The following SESN2 variants were observed in gnomAD, a reference collection of about 807,000 sequenced individuals.
SESN2 encodes sestrin 2.
In SESN2, 42 loss-of-function variants were observed where a neutral mutation model predicts 56.0. The ratio of observed to expected loss-of-function variants is 0.75; its 90% CI spans 0.59 to 0.97. The LOEUF (loss-of-function observed/expected upper bound fraction) is 0.97. Among genes scored for constraint, SESN2 ranks in the 50% least tolerant of loss-of-function variants. SESN2 has a pLI of 0.00. For synonymous variants in SESN2, 264 were observed against 267.1 expected (o/e 0.99, Z 0.11); for missense variants, 507 against 649.4 (o/e 0.78, Z 2.38).
chr1:28,265,258 GC>G (rs1647516348), intron 1 of SESN2, among the ~76,000 whole-genome samples: 1 of 152,230 alleles, frequency 6.6e-6, no homozygotes, highest in Admixed American at 6.5e-5. Context: ...ATGCTGCCCT[GC>G]CTGCTTCCTC....
intron 1 of SESN2, among the ~76,000 whole-genome samples, chr1:28,263,908 A>G (rs913292189): frequency 6.6e-6 from 1 of 152,152 alleles, no homozygotes; most frequent in Non-Finnish European, 1.5e-5. Flanking sequence ...CTAATTTAAA[A>G]GTTAACATAT....
chr1:28,279,118 G>A lies in SESN2; in HGVS notation c.1233G>A (p.Gly411=), dbSNP rs865796928. 6.2e-7 allele frequency: 1 copy of A among 1,614,140 alleles called. No individual in the cohort carries two copies. Among genetic ancestry groups the A allele is most frequent in the Non-Finnish European group, 8.5e-7 (1 of 1,180,002 alleles). ...CCAGATATGATGACTATGATTATGGGGAGGTGAACCAGCTCCTGGAGCGGA... is the reference window on the plus strand; with the variant it reads ...CCAGATATGATGACTATGATTATGGAGAGGTGAACCAGCTCCTGGAGCGGA... ...FGIRYDDYDY[G]EVNQLLERNL... is the part of the protein sequence containing the mutation. Residue 411 remains glycine (G), a synonymous_variant, in exon 9 of 10, where the codon GGG becomes GGA. Coordinates refer to ENST00000253063, the MANE Select transcript of SESN2 (RefSeq NM_031459.5).
intron 8 of SESN2, among the ~76,000 whole-genome samples, chr1:28,277,284 C>A (rs1322243359): frequency 6.6e-6 from 1 of 151,790 alleles, no homozygotes; most frequent in African/African-American, 2.4e-5. Flanking sequence ...CTCACTGCAA[C>A]CTCCAGCTCC....
chr1:28,273,514 G>A lies in SESN2; in HGVS notation c.901+6G>A, dbSNP rs760952506. On this transcript the variant is annotated splice_donor_region_variant and intron_variant, in intron 6 of 9. Coordinates refer to ENST00000253063, the MANE Select transcript of SESN2 (RefSeq NM_031459.5). ...CCTGCTGGTGACCCCCTCAGGTACA[G>A]GGTCACAGGCATCCAGGCTCCCGTG... The A allele has an allele frequency of 1.5e-5, 24 of 1,585,036 alleles. No homozygotes were observed. The highest frequency in any genetic ancestry group is 2.0e-5 in the Non-Finnish European group (23 of 1,166,498).
rs533245413 is a variant in SESN2, at chr1:28,275,300, C to G, written c.1211+285C>G. 1.0e-3 allele frequency among the ~76,000 whole-genome samples: 116 copies of G among 110,508 alleles called. 4 individuals carry two copies. In the South Asian group the frequency reaches 0.028, roughly 27 times the overall value. 72.5% of individuals were successfully genotyped at this position (110,508 alleles called of 152,430 possible). A position where few individuals can be genotyped will look rare whatever the true frequency, so the allele number is the denominator to read the frequency against. ...ATATATACACATATACATGCATACACACACACACACACACACACTATATAT... is the reference window on the plus strand; with the variant it reads ...ATATATACACATATACATGCATACAGACACACACACACACACACTATATAT... On this transcript the variant is annotated intron_variant, in intron 8 of 9. Coordinates refer to ENST00000253063, the MANE Select transcript of SESN2 (RefSeq NM_031459.5).
At position 28,272,397 on chromosome 1, in the gene SESN2, G is replaced by C; in HGVS notation, c.468G>C (p.Leu156=). The C allele has an allele frequency of 1.2e-6, 2 of 1,613,592 alleles. No homozygotes were observed. Among genetic ancestry groups the C allele is most frequent in the Non-Finnish European group, 1.7e-6 (2 of 1,180,010 alleles). Residue 156 remains leucine, a synonymous_variant, in exon 4 of 10, where the codon CTG becomes CTC. Coordinates refer to ENST00000253063, the MANE Select transcript of SESN2 (RefSeq NM_031459.5). ...LLGLHRAPEK[L]RKLSEINKLL... ...GCCTCCACCGGGCCCCCGAGAAGCTGCGCAAACTCAGCGAGATCAACAAGT... is the reference window on the plus strand; with the variant it reads ...GCCTCCACCGGGCCCCCGAGAAGCTCCGCAAACTCAGCGAGATCAACAAGT...
At chr1:28,276,368 A>T (rs1463937349) in intron 8 of SESN2, among the ~76,000 whole-genome samples, 1 of 151,874 alleles carries the variant, frequency 6.6e-6, no homozygotes, top group Non-Finnish European at 1.5e-5. Flanking sequence ...AGTCCCAGGT[A>T]TTCTAGAGGC....
In SESN2 at chr1:28,274,995, C is replaced by T; in HGVS notation, c.1191C>T (p.Ile397=). The T allele has an allele frequency of 1.2e-6, 2 of 1,613,502 alleles. No individual in the cohort carries two copies. The highest frequency in any genetic ancestry group is 1.7e-6 in the Non-Finnish European group (2 of 1,179,494). ...TCCGCAGGGCCATCTGGAACTATAT[C>T]CACTGCGTCTTTGGCATCAGGTGAG... ...SVLRRAIWNY[I]HCVFGIRYDD... is the part of the protein sequence containing the mutation. The change falls in exon 8 of 10, where the codon ATC becomes ATT. Residue 397 remains isoleucine, a synonymous_variant. Coordinates refer to ENST00000253063, the MANE Select transcript of SESN2 (RefSeq NM_031459.5).
intron 5 of SESN2, 141 bp downstream of exon 5, chr1:28,272,934 C>T (rs1396862961): frequency 3.3e-6 from 2 of 608,158 alleles, no homozygotes; most frequent in Non-Finnish European, 5.8e-6. Flanking sequence ...GACTTTGAAG[C>T]TTAGTTTCCT....
rs1345369605 is a variant in SESN2, at chr1:28,271,839, G to C, written c.322G>C (p.Ala108Pro). 6.2e-7 allele frequency: 1 copy of C among 1,614,166 alleles called. No homozygotes were observed. Among genetic ancestry groups the C allele is most frequent in the Non-Finnish European group, 8.5e-7 (1 of 1,180,020 alleles). The change falls in exon 3 of 10, where the codon GCC becomes CCC. Residue 108 changes from alanine (A) to proline (P), a missense_variant. Ala to Pro is a conservative substitution (Grantham distance 27). Coordinates refer to ENST00000253063, the MANE Select transcript of SESN2 (RefSeq NM_031459.5). The part of the protein sequence containing the change: ...YLLLHTDGPL[A>P]SSWRHYIAIM... ...GCTGCTGCACACGGATGGTCCCTTGGCCAGCTCCTGGCGCCACTACATTGC... is the reference window on the plus strand; with the variant it reads ...GCTGCTGCACACGGATGGTCCCTTGCCCAGCTCCTGGCGCCACTACATTGC...
intron 3 of SESN2, among the ~76,000 whole-genome samples, 176 bp from the exon 4 acceptor site, chr1:28,272,108 G>A (rs902061348): frequency 3.3e-5 from 5 of 152,170 alleles, no homozygotes; most frequent in East Asian, 3.8e-4. Flanking sequence ...AAACTGAGGT[G>A]CAAAAAGGAA....
In SESN2 at chr1:28,273,463, C is replaced by T. The variant is rs770593988; in HGVS notation, c.856C>T (p.Arg286Cys). The change falls in exon 6 of 10, where the codon CGC becomes TGC. Residue 286 changes from arginine (R) to cysteine (C), a missense_variant. Arg to Cys is a radical substitution (Grantham distance 180, BLOSUM62 -3). Transcript: ENST00000253063. The stretch of plus-strand genomic sequence containing the variant: ...GACGTCCCAGGAGGAGATGGAGAGC[C>T]GCTTTGAGCTGGAGAAGTCAGAGAG... ...EGTSQEEMES[R>C]FELEKSESLL... The T allele has an allele frequency of 6.2e-7, 1 of 1,611,280 alleles. No homozygotes were observed. The highest frequency in any genetic ancestry group is 8.5e-7 in the Non-Finnish European group (1 of 1,179,188).
At chr1:28,273,900 A>G (rs1647912451) in intron 6 of SESN2, 140 bp from the exon 7 acceptor site, 2 of 666,858 alleles carry the variant, frequency 3.0e-6, no homozygotes, top group Admixed American at 2.4e-5. Context: ...TCCAGCTGAA[A>G]TCTTGCCCCA....
At chr1:28,268,443 A>G (rs2149037425) in intron 1 of SESN2, among the ~76,000 whole-genome samples, 1 of 152,180 alleles carries the variant, frequency 6.6e-6, no homozygotes, top group African/African-American at 2.4e-5. Context: ...AGGTGGGCGG[A>G]TCACCTGAGG....
intron 8 of SESN2, among the ~76,000 whole-genome samples, chr1:28,276,570 CTTTTTTT>C (rs57474365): frequency 1.2e-4 from 11 of 94,734 alleles, no homozygotes; most frequent in African/African-American, 2.3e-4. Context: ...TTTTTCTTTC[CTTTTTTT>C]TTTTTTTTTT....
At chr1:28,275,137 C>A in intron 8 of SESN2, 122 bp downstream of exon 8, 2 of 677,826 alleles carry the variant, frequency 3.0e-6, no homozygotes, top group Non-Finnish European at 2.3e-6. Flanking sequence ...TACTGTTTTT[C>A]AAAGCAAATT....
chr1:28,260,114 C>G (rs1647316594), intron 1 of SESN2, among the ~76,000 whole-genome samples, 177 bp downstream of exon 1: 2 of 147,680 alleles, frequency 1.4e-5, no homozygotes, highest in Admixed American at 1.3e-4. Flanking sequence ...CTCCCCCACT[C>G]TGTCTCCCCT....
At chr1:28,266,900 C>T (rs1647578162) in intron 1 of SESN2, among the ~76,000 whole-genome samples, 2 of 152,208 alleles carry the variant, frequency 1.3e-5, no homozygotes, top group South Asian at 2.1e-4. Context: ...GTTGTTATTG[C>T]TGAAAGTGTT....
At chr1:28,264,119 A>G (rs1647477850) in intron 1 of SESN2, among the ~76,000 whole-genome samples, 2 of 151,466 alleles carry the variant, frequency 1.3e-5, no homozygotes, top group African/African-American at 4.8e-5. Context: ...TAATCCCAGC[A>G]TATTGGGAGG....
Sources: allele counts gnomAD v4.1 joint callset (sites outside exome capture counted in the v4.1 genomes callset), GRCh38; gene constraint gnomAD v4.1.1; transcripts MANE v1.5; gene names NCBI Gene and HGNC (gene_info 2026-07-23, HGNC 2026-07-21).